ZMYND11: variants seen among roughly 807,000 people sequenced by gnomAD.
ZMYND11 encodes the protein zinc finger MYND domain-containing protein 11.
In ZMYND11, 9 loss-of-function variants were observed where a neutral mutation model predicts 84.9. The ratio of observed to expected loss-of-function variants is 0.11; its 90% CI spans 0.06 to 0.18. The LOEUF (loss-of-function observed/expected upper bound fraction) is 0.18. Ranked by LOEUF, ZMYND11 falls within the 10% of genes least tolerant of loss-of-function variation. ZMYND11 has a pLI of 1.00. For missense variants in ZMYND11, 409 were observed against 761.0 expected, an observed-to-expected ratio of 0.54 and a Z score of 5.44; for synonymous variants, 250 against 244.1, an observed-to-expected ratio of 1.02 and a Z score of -0.23.
intron 10 of ZMYND11, 66 bp from the exon 11 acceptor site, chr10:246,700 C>T: frequency 1.0e-5 from 15 of 1,486,452 alleles, no homozygotes; most frequent in Non-Finnish European, 1.3e-5. Flanking sequence ...TCCACTGAAG[C>T]CCTCTTTTAC....
At chr10:144,753 G>A (rs1396223163) in intron 1 of ZMYND11, among the ~76,000 whole-genome samples, 1 of 141,272 alleles carries the variant, frequency 7.1e-6, no homozygotes, top group Non-Finnish European at 1.5e-5. Flanking sequence ...ATATATATAT[G>A]CATACACATT....
rs777871438 is a variant in ZMYND11 at position 252,404 on chromosome 10, C to T, written c.1743C>T (p.Cys581=). 2 of 1,614,048 alleles carry T rather than the reference C, an allele frequency of 1.2e-6. No individual in the cohort carries two copies. Among genetic ancestry groups the T allele is most frequent in the South Asian group, 1.1e-5 (1 of 91,086 alleles). Residue 581 remains cysteine, a synonymous_variant, in exon 15 of 15, where the codon TGC becomes TGT. Coordinates refer to ENST00000381604, the MANE Select transcript of ZMYND11 (RefSeq NM_001370100.5). The surrounding 1 kb of genome is among the most constrained non-coding windows in gnomAD (Gnocchi z 4.6). The part of the protein sequence containing the change: ...MYHCCWNTSY[C]SIKCQQEHWH... ...ACTGCTGCTGGAACACATCCTACTG[C>T]TCCATCAAGTGCCAGCAGGAGCACT...
At chr10:133,446 G>A (rs1236873873), upstream of ZMYND11, among the ~76,000 whole-genome samples, 4 of 152,154 alleles carry the variant, frequency 2.6e-5, no homozygotes, top group African/African-American at 9.7e-5. Flanking sequence ...ATCAGGGTAA[G>A]TTATCTAACT....
intron 1 of ZMYND11, among the ~76,000 whole-genome samples, chr10:150,779 C>A (rs1840145638): frequency 6.6e-6 from 1 of 152,226 alleles, no homozygotes; most frequent in Non-Finnish European, 1.5e-5. Context: ...AACGGACAGA[C>A]TGCCTCCTCA....
At chr10:201,060 C>G (rs573524964) in intron 2 of ZMYND11, among the ~76,000 whole-genome samples, 7 of 151,878 alleles carry the variant, frequency 4.6e-5, no homozygotes, top group African/African-American at 1.7e-4. Context: ...CTTTTGACAG[C>G]AAGATACTAG....
At chr10:206,139 C>G (rs1460089056) in intron 2 of ZMYND11, among the ~76,000 whole-genome samples, 1 of 151,978 alleles carries the variant, frequency 6.6e-6, no homozygotes, top group East Asian at 1.9e-4. Context: ...GCGGGTGGAT[C>G]ACCTGAGGTC....
At chr10:163,828 A>T (rs1554762895) in intron 1 of ZMYND11, among the ~76,000 whole-genome samples, 1 of 152,068 alleles carries the variant, frequency 6.6e-6, no homozygotes, top group African/African-American at 2.4e-5. Flanking sequence ...CTCAACACAT[A>T]CCTATACCTA....
intron 11 of ZMYND11, 116 bp downstream of exon 11, chr10:247,089 A>G (rs578255269): frequency 8.9e-7 from 1 of 1,123,056 alleles, no homozygotes; most frequent in Non-Finnish European, 1.3e-6. Context: ...CCTTTTTTAC[A>G]TTTGTAAAGT....
intron 2 of ZMYND11, among the ~76,000 whole-genome samples, chr10:194,210 G>A (rs945663440): frequency 1.3e-5 from 2 of 148,762 alleles, no homozygotes; most frequent in African/African-American, 2.5e-5. Flanking sequence ...GGCTGGTCTC[G>A]AACTCCAGGG....
At chr10:189,703 A>T (rs1442616577) in intron 2 of ZMYND11, among the ~76,000 whole-genome samples, 1 of 152,182 alleles carries the variant, frequency 6.6e-6, no homozygotes, top group Non-Finnish European at 1.5e-5. Context: ...AGCTGTTTTC[A>T]TGTATTTCAC....
At chr10:132,612 A>T (rs1339328534), upstream of ZMYND11, among the ~76,000 whole-genome samples, 1 of 152,186 alleles carries the variant, frequency 6.6e-6, no homozygotes, top group Non-Finnish European at 1.5e-5. Flanking sequence ...AGTTACAGTT[A>T]ACATTTTCTT....
At chr10:209,109 A>G (rs892886117) in intron 2 of ZMYND11, among the ~76,000 whole-genome samples, 1 of 152,056 alleles carries the variant, frequency 6.6e-6, no homozygotes, top group Admixed American at 6.6e-5. Context: ...AATGGCACAA[A>G]TCCAACTTTA....
At chr10:226,618 T>G (rs1185628465) in intron 4 of ZMYND11, among the ~76,000 whole-genome samples, 1 of 152,164 alleles carries the variant, frequency 6.6e-6, no homozygotes, top group East Asian at 1.9e-4. Flanking sequence ...GGGCTTTAAA[T>G]TTTGTATGAT....
chr10:173,719 T>TA (rs772504812), intron 1 of ZMYND11, among the ~76,000 whole-genome samples: 524 of 150,630 alleles, frequency 3.5e-3, no homozygotes, highest in Middle Eastern at 0.031. Context: ...TCAAAAATAC[T>TA]AAAAAAAAAA....
chr10:202,816 G>A (rs1467331285), intron 2 of ZMYND11, among the ~76,000 whole-genome samples: 1 of 152,108 alleles, frequency 6.6e-6, no homozygotes, highest in East Asian at 1.9e-4. Context: ...AGAAAGTTGA[G>A]CCCAACATGC....
At chr10:193,988 T>C (rs772202045) in intron 2 of ZMYND11, among the ~76,000 whole-genome samples, 46 of 149,570 alleles carry the variant, frequency 3.1e-4, no homozygotes, top group Non-Finnish European at 6.2e-4. Flanking sequence ...TTTGGGGTGG[T>C]TTTTTTTTAG....
At chr10:247,140 T>A in intron 11 of ZMYND11, 167 bp downstream of exon 11, 1 of 793,364 alleles carries the variant, frequency 1.3e-6, no homozygotes. Flanking sequence ...AATGAATACA[T>A]AGATGTAACA....
rs147864819 is a variant in ZMYND11, at chr10:221,407, A to G, written c.438+51A>G. 5 of 1,565,732 alleles carry G rather than the reference A, an allele frequency of 3.2e-6. No individual in the cohort carries two copies. The African/African-American group carries it at 5.4e-5, about 17-fold the overall frequency. ...CTGGTTAGAGGGTTGGAATTAATTC[A>G]TAATAGCTTCAAAAAGATATCCCAG... On this transcript the variant is annotated intron_variant, in intron 4 of 14. Coordinates refer to ENST00000381604, the MANE Select transcript of ZMYND11 (RefSeq NM_001370100.5).
intron 2 of ZMYND11, among the ~76,000 whole-genome samples, chr10:196,311 T>G (rs754404155): frequency 1.4e-4 from 21 of 152,212 alleles, no homozygotes; most frequent in Non-Finnish European, 2.2e-4. Context: ...GTAAGTAGAA[T>G]TCTATTCAGT....
Sources: gnomAD v4.1 joint callset for allele counts (sites outside exome capture counted in the v4.1 genomes callset) on GRCh38, gnomAD v4.1.1 for gene constraint, Gnocchi (gnomAD v3.1) non-coding constraint, MANE v1.5 for transcripts, NCBI Gene and HGNC (gene_info 2026-07-23, HGNC 2026-07-21) for gene names.